ADGRB3: variants seen among roughly 807,000 people sequenced by gnomAD.
ADGRB3 encodes adhesion G protein-coupled receptor B3.
ADGRB3 carries 37 observed loss-of-function variants against 193.4 expected under a neutral mutation model. The observed-to-expected ratio is 0.19, with a 90% CI of 0.15 to 0.25. ADGRB3 has a LOEUF of 0.25. Among genes scored for constraint, ADGRB3 ranks in the 10% least tolerant of loss-of-function variants. ADGRB3 has a pLI of 1.00. For synonymous variants in ADGRB3, 690 were observed against 644.2 expected, an observed-to-expected ratio of 1.07 and a Z score of -1.08; for missense variants, 1,637 against 1,852.9, an observed-to-expected ratio of 0.88 and a Z score of 2.14.
At chr6:68,888,560 CACACACACACACACATAAAAAAA>C (rs1359042489) in intron 3 of ADGRB3, among the ~76,000 whole-genome samples, 7 of 151,366 alleles carry the variant, frequency 4.6e-5, no homozygotes, top group African/African-American at 1.7e-4. Flanking sequence ...CACACACACA[CACACACACACACACATAAAAAAA>C]ACTCCTGCCC....
chr6:68,918,323 G>T (rs1419838570), intron 3 of ADGRB3, among the ~76,000 whole-genome samples: 1 of 152,098 alleles, frequency 6.6e-6, no homozygotes, highest in Non-Finnish European at 1.5e-5. Context: ...TGGCCACTTG[G>T]TCACCAGCCT....
intron 3 of ADGRB3, among the ~76,000 whole-genome samples, chr6:68,910,696 G>T (rs1303665512): frequency 2.0e-5 from 3 of 152,144 alleles, no homozygotes; most frequent in Non-Finnish European, 2.9e-5. Context: ...TGTCATGTTT[G>T]TCAAAGATCA....
chr6:68,843,059 A>C (rs79492537), intron 3 of ADGRB3, among the ~76,000 whole-genome samples: 20,221 of 151,322 alleles, frequency 0.13, 1,813 homozygotes, highest in Middle Eastern at 0.2. Flanking sequence ...AACAAAAAAA[A>C]AAACAGGAAA....
chr6:68,972,048 T>C (rs1768587552), intron 8 of ADGRB3, among the ~76,000 whole-genome samples: 1 of 152,202 alleles, frequency 6.6e-6, no homozygotes, highest in African/African-American at 2.4e-5. Flanking sequence ...TAGCTCTGGC[T>C]TACTAACCTT....
intron 29 of ADGRB3, among the ~76,000 whole-genome samples, chr6:69,364,526 T>C (rs1228375321): frequency 6.6e-6 from 1 of 152,048 alleles, no homozygotes; most frequent in Non-Finnish European, 1.5e-5. Flanking sequence ...CATAAAAACA[T>C]ATCTAGATTT....
intron 17 of ADGRB3, among the ~76,000 whole-genome samples, chr6:69,154,810 A>G (rs535290777): frequency 6.6e-6 from 1 of 152,334 alleles, no homozygotes; most frequent in African/African-American, 2.4e-5. Context: ...TCTGCACAAT[A>G]TATTTATTTA....
chr6:68,972,809 A>C (rs1179304887), intron 8 of ADGRB3, among the ~76,000 whole-genome samples: 3 of 152,210 alleles, frequency 2.0e-5, no homozygotes, highest in Non-Finnish European at 4.4e-5. Flanking sequence ...ACAAAGAAAG[A>C]ATGCTCTGAG....
intron 3 of ADGRB3, among the ~76,000 whole-genome samples, chr6:68,805,632 G>C (rs1767388035): frequency 6.6e-6 from 1 of 152,140 alleles, no homozygotes; most frequent in South Asian, 2.1e-4. Flanking sequence ...GTCAGAGAGG[G>C]TGTGTGGAGC....
chr6:68,742,310 T>C (rs1235618059), intron 3 of ADGRB3, among the ~76,000 whole-genome samples: 1 of 152,172 alleles, frequency 6.6e-6, no homozygotes, highest in Non-Finnish European at 1.5e-5. Flanking sequence ...TCAACATAAA[T>C]ATATGAATGG....
chr6:69,276,041 A>G (rs867289137), intron 20 of ADGRB3, among the ~76,000 whole-genome samples: 121 of 152,364 alleles, frequency 7.9e-4, no homozygotes, highest in African/African-American at 2.9e-3. Context: ...ATTAAATAAT[A>G]AACTTTTCAC....
At chr6:68,975,143 C>G (rs1056472794) in intron 9 of ADGRB3, 91 bp from the exon 10 acceptor site, 16 of 1,055,996 alleles carry the variant, frequency 1.5e-5, no homozygotes, top group Non-Finnish European at 2.1e-5. Context: ...AAAAAAAGTA[C>G]AAACTTAATT....
intron 13 of ADGRB3, among the ~76,000 whole-genome samples, chr6:69,025,302 A>T (rs1562126530): frequency 6.6e-6 from 1 of 152,020 alleles, no homozygotes; most frequent in Non-Finnish European, 1.5e-5. Context: ...AAACTTGATA[A>T]TTTCATTGGT....
chr6:69,297,370 C>CTT (rs1554192072), intron 20 of ADGRB3, among the ~76,000 whole-genome samples: 3,623 of 103,236 alleles, frequency 0.035, 37 homozygotes, highest in African/African-American at 0.078. Context: ...CTCTCTCTTT[C>CTT]TCTCTCTCTC....
chr6:68,783,080 T>TA (rs79865544), intron 3 of ADGRB3, among the ~76,000 whole-genome samples: 84,574 of 151,404 alleles, frequency 0.56, 24,429 homozygotes, highest in East Asian at 0.87. Context: ...GTAATAATTA[T>TA]ATGGCAGGAA....
intron 3 of ADGRB3, among the ~76,000 whole-genome samples, chr6:68,785,794 A>G (rs564120164): frequency 1.3e-5 from 2 of 152,140 alleles, no homozygotes; most frequent in East Asian, 3.9e-4. Context: ...GTGTTCCTAT[A>G]TCTCTACATC....
chr6:69,305,389 T>C (rs1768046471), intron 20 of ADGRB3, among the ~76,000 whole-genome samples: 1 of 151,540 alleles, frequency 6.6e-6, no homozygotes, highest in East Asian at 1.9e-4. Context: ...ATAGAGATTG[T>C]TGATTTATAC....
At chr6:68,885,333 AT>A (rs1296344404) in intron 3 of ADGRB3, among the ~76,000 whole-genome samples, 1 of 152,130 alleles carries the variant, frequency 6.6e-6, no homozygotes, top group Admixed American at 6.6e-5. Context: ...CTCCAGGTTA[AT>A]TTTTTTAATT....
intron 15 of ADGRB3, among the ~76,000 whole-genome samples, chr6:69,049,844 A>G (rs493317): frequency 0.29 from 43,939 of 152,118 alleles, 8,390 homozygotes; most frequent in East Asian, 0.89. Context: ...CTGTTTATTT[A>G]GAGGACTATT....
chr6:68,892,824 CAG>C (rs1766117200), intron 3 of ADGRB3, among the ~76,000 whole-genome samples: 1 of 152,004 alleles, frequency 6.6e-6, no homozygotes, highest in African/African-American at 2.4e-5. Context: ...TTTATTAAGA[CAG>C]AAGAAACTGA....
Sources: gnomAD v4.1 joint callset for allele counts (sites outside exome capture counted in the v4.1 genomes callset) on GRCh38, gnomAD v4.1.1 for gene constraint, MANE v1.5 for transcripts, NCBI Gene and HGNC (gene_info 2026-07-23, HGNC 2026-07-21) for gene names.